Variants in BCAN observed in about 807,000 individuals in gnomAD.
The protein encoded by BCAN is brevican core protein.
In BCAN, 51 loss-of-function variants were observed where a neutral mutation model predicts 92.4. The ratio of observed to expected loss-of-function variants is 0.55; its 90% confidence interval spans 0.44 to 0.70. The LOEUF is 0.70. Among genes scored for constraint, BCAN ranks in the 30% least tolerant of loss-of-function variants. The probability of loss-of-function intolerance (pLI) is 0.00; values close to 1 mark genes in which losing one functional copy is unlikely to be tolerated. For synonymous variants in BCAN, 501 were observed against 505.2 expected (o/e 0.99, Z 0.11); for missense variants, 1,140 against 1,212.1 (o/e 0.94, Z 0.88).
chr1:156,651,958 G>A (rs191804773), intron 7 of BCAN, among the ~76,000 whole-genome samples: 19 of 152,280 alleles, frequency 1.2e-4, no homozygotes, highest in Non-Finnish European at 1.9e-4. Context: ...TCCCTCTTCC[G>A]CCTCACACAC....
At chr1:156,651,220 T>C (rs1051978693) in intron 6 of BCAN, among the ~76,000 whole-genome samples, 1 of 152,262 alleles carries the variant, frequency 6.6e-6, no homozygotes, top group African/African-American at 2.4e-5. Flanking sequence ...GGAGGTTTGC[T>C]ATTTTGTTCT....
rs1464535008 is a variant in BCAN at position 156,647,490 on chromosome 1, G to T, written c.467-18G>T. On this transcript the variant is annotated intron_variant, in intron 3 of 13. Transcript: ENST00000329117. This position sits in a 1 kb window ranked among gnomAD's most constrained non-coding sequence, Gnocchi z 4.8. ...TGCTGGGTGCTCACCTGGCTCAGGG[G>T]TCCTCTCTGCCCCACAGGGGTCGTC... 4 of 1,537,128 alleles carry T rather than the reference G, an allele frequency of 2.6e-6. No individual in the cohort carries two copies. The highest frequency in any genetic ancestry group is 2.6e-6 in the Non-Finnish European group (3 of 1,143,708).
chr1:156,651,365 G>A lies in BCAN; in HGVS notation c.1064-91G>A, dbSNP rs544143839. The A allele has an allele frequency of 2.5e-6, 3 of 1,188,700 alleles. No individual in the cohort carries two copies. The South Asian group carries it at 4.2e-5, about 17-fold the overall frequency. The allele number at this position is 1,188,700 out of a possible 1,614,324, so 73.6% of individuals were successfully genotyped here. A position where few individuals can be genotyped will look rare whatever the true frequency, so the allele number is the denominator to read the frequency against. On this transcript the variant is annotated intron_variant, in intron 6 of 13. Transcript: ENST00000329117. ...TAGGTGCTCCACAGGGAAGATGTGAGAGAATTGAGAGAATTCCATGGTGCA... is the reference window on the plus strand; with the variant it reads ...TAGGTGCTCCACAGGGAAGATGTGAAAGAATTGAGAGAATTCCATGGTGCA...
At position 156,647,723 on chromosome 1, in the gene BCAN, A is replaced by G; in HGVS notation, c.641+41A>G. On this transcript the variant is annotated intron_variant, in intron 4 of 13. Transcript: ENST00000329117. The surrounding 1 kb of genome is among the most constrained non-coding windows in gnomAD (Gnocchi z 4.8). ...GGATTGGGGCTTCTATTGGCCCCTGAGGTGGCCATGGCCCCCCTTCTGCTG... is the reference window on the plus strand; with the variant it reads ...GGATTGGGGCTTCTATTGGCCCCTGGGGTGGCCATGGCCCCCCTTCTGCTG... 6.4e-7 allele frequency: 1 copy of G among 1,558,446 alleles called. No individual in the cohort carries two copies. Among genetic ancestry groups the G allele is most frequent in the African/African-American group, 1.4e-5 (1 of 73,590 alleles).
chr1:156,647,107 GTA>G lies in BCAN; in HGVS notation c.400_401del (p.Ile134LeufsTer4). The G allele has an allele frequency of 6.4e-7, 1 of 1,562,764 alleles. No individual in the cohort carries two copies. Among genetic ancestry groups the G allele is most frequent in the Non-Finnish European group, 8.7e-7 (1 of 1,145,166 alleles). ...AGCGAGCTGCGCCCCAACGACTCAG[GTA>G]TCTATCGCTGTGAGGTCCAGCACGG... On this transcript the variant is annotated frameshift_variant, in exon 3 of 14. Transcript: ENST00000329117. LOFTEE classifies it high-confidence loss of function. The surrounding 1 kb of genome is among the most constrained non-coding windows in gnomAD (Gnocchi z 4.8).
intron 10 of BCAN, 86 bp from the exon 11 acceptor site, chr1:156,657,589 A>C: frequency 9.0e-7 from 1 of 1,114,310 alleles, no homozygotes; most frequent in Non-Finnish European, 1.3e-6. Context: ...AAGGGTTTCC[A>C]AGGCAGTCAC....
In BCAN at chr1:156,651,533, G is replaced by A. The variant is rs759611993; in HGVS notation, c.1141G>A (p.Val381Ile). The A allele has an allele frequency of 6.8e-6, 11 of 1,614,014 alleles. No homozygotes were observed. The highest frequency in any genetic ancestry group is 3.3e-5 in the South Asian group (3 of 91,080). The change falls in exon 7 of 14, where the codon GTC becomes ATC. Residue 381 changes from valine to isoleucine, a missense_variant. Physicochemically the swap from Val to Ile is conservative, Grantham distance 29 (BLOSUM62 3). This residue lies in a region of BCAN where 825 missense variants were observed against 871.8 expected (regional missense o/e 0.95). Transcript: ENST00000329117. ...AGCCTCTGATGGACTAGAGGCTATC[G>A]TCACAGTGACAGAGACCCTGGAGGA... ...NPASDGLEAI[V>I]TVTETLEELQ...
Position 156,658,093 on chromosome 1 carries a change from T to C in BCAN, c.2293-34T>C. 4 of 1,605,944 alleles carry C rather than the reference T, an allele frequency of 2.5e-6. No homozygotes were observed. The highest frequency in any genetic ancestry group is 3.4e-6 in the Non-Finnish European group (4 of 1,175,216). ...AGGCCCTCTCCCGGTGCTCCTGGTG[T>C]AGGAGCTCCTCACCACCTCCTCCGT... On this transcript the variant is annotated intron_variant, in intron 11 of 13. Transcript: ENST00000329117. The surrounding 1 kb of genome is among the most constrained non-coding windows in gnomAD (Gnocchi z 4.4).
In BCAN at chr1:156,656,368, G is replaced by C; in HGVS notation, c.2029G>C (p.Gly677Arg). The part of the protein sequence containing the change: ...GVRCLCLPGY[G>R]GDLCDVGLRF... The stretch of plus-strand genomic sequence containing the variant: ...CCGCTGCCTATGTCTGCCTGGCTAT[G>C]GGGGGGACCTGTGCGATGTTGGTGA... The change falls in exon 9 of 14, where the codon GGG becomes CGG. Residue 677 changes from glycine (G) to arginine (R), a missense_variant. Gly to Arg is a moderately radical substitution (Grantham distance 125). Around this residue, in one of 3 missense-constraint regions of BCAN, gnomAD observed 825 missense variants for 871.8 expected, o/e 0.95. Coordinates refer to ENST00000329117, the MANE Select transcript of BCAN (RefSeq NM_021948.5). 7.2e-7 allele frequency: 1 copy of C among 1,382,582 alleles called. No homozygotes were observed. The highest frequency in any genetic ancestry group is 9.4e-7 in the Non-Finnish European group (1 of 1,065,426). 85.6% of individuals were successfully genotyped at this position (1,382,582 alleles called of 1,614,324 possible).
chr1:156,651,393 C>T, intron 6 of BCAN, 63 bp from the exon 7 acceptor site: 2 of 1,406,842 alleles, frequency 1.4e-6, no homozygotes, highest in Non-Finnish European at 9.9e-7. Context: ...ATGGTGCAAG[C>T]TGTGACCTGG....
At position 156,658,339 on chromosome 1, in the gene BCAN, AT is replaced by A. The variant is rs1679410025; in HGVS notation, c.2437+69del. ...GTGGGCTAGGGGACCAGAGGGACTG[AT>A]GTTTGTAGACAGAGAGTGCAAAGCA... On this transcript the variant is annotated intron_variant, in intron 12 of 13. Coordinates refer to ENST00000329117, the MANE Select transcript of BCAN (RefSeq NM_021948.5). The surrounding 1 kb of genome is among the most constrained non-coding windows in gnomAD (Gnocchi z 4.4). The A allele has an allele frequency of 3.4e-5, 53 of 1,577,400 alleles. 1 individual carries two copies. The South Asian group carries it at 6.1e-4, about 18-fold the overall frequency.
At chr1:156,649,673 G>T in intron 6 of BCAN, among the ~76,000 whole-genome samples, 1 of 152,236 alleles carries the variant, frequency 6.6e-6, no homozygotes, top group East Asian at 1.9e-4. Context: ...GAAGTGCTGG[G>T]ATTTATAGGT....
intron 5 of BCAN, 136 bp downstream of exon 5, chr1:156,648,246 G>A (rs1479124471): frequency 7.9e-7 from 1 of 1,262,034 alleles, no homozygotes; most frequent in Non-Finnish European, 1.1e-6. Context: ...GACAATTGGT[G>A]TCCCTCTCTC....
intron 1 of BCAN, chr1:156,644,857 A>G (rs143697132): frequency 6.6e-6 from 1 of 152,318 alleles, no homozygotes; most frequent in African/African-American, 2.4e-5. Flanking sequence ...CTAACCTTCA[A>G]TTCTCTTGCT....
At chr1:156,651,352 A>C in intron 6 of BCAN, 104 bp from the exon 7 acceptor site, 1 of 1,083,894 alleles carries the variant, frequency 9.2e-7, no homozygotes, top group East Asian at 2.4e-5. Flanking sequence ...GGTGCTCCAC[A>C]GGGAAGATGT....
Position 156,651,665 on chromosome 1 carries a change from G to A in BCAN, c.1273G>A (p.Ala425Thr), listed in dbSNP as rs763222307. ...GGGSSTPEDP[A>T]EAPRTLLEFE... is the part of the protein sequence containing the mutation. ...TGGAAGCTCCACTCCAGAAGACCCA[G>A]CAGAGGCCCCTAGGACGCTCCTAGG... Residue 425 changes from alanine (A) to threonine (T), a missense_variant, in exon 7 of 14, where the codon GCA (alanine) becomes ACA (threonine). By Grantham distance (58) the Ala-to-Thr change is moderately conservative. Coordinates refer to ENST00000329117, the MANE Select transcript of BCAN (RefSeq NM_021948.5). The A allele has an allele frequency of 1.2e-6, 2 of 1,613,152 alleles. No individual in the cohort carries two copies. Among genetic ancestry groups the A allele is most frequent in the South Asian group, 2.2e-5 (2 of 91,042 alleles).
chr1:156,643,143 A>C (rs1197289975), intron 1 of BCAN: 1 of 152,224 alleles, frequency 6.6e-6, no homozygotes, highest in Non-Finnish European at 1.5e-5. Context: ...CTTAGATTGC[A>C]GATGATGACA....
intron 8 of BCAN, among the ~76,000 whole-genome samples, chr1:156,653,815 G>T (rs1339807987): frequency 2.6e-5 from 4 of 152,092 alleles, no homozygotes; most frequent in African/African-American, 9.7e-5. Flanking sequence ...CTCCTGATGA[G>T]GAGAAACCCC....
chr1:156,649,229 C>A (rs1571442454), intron 6 of BCAN, among the ~76,000 whole-genome samples: 1 of 152,192 alleles, frequency 6.6e-6, no homozygotes, highest in Non-Finnish European at 1.5e-5. Context: ...CCAAGTTCTT[C>A]CAGTCAACAA....
Sources: allele counts gnomAD v4.1 joint callset (sites outside exome capture counted in the v4.1 genomes callset), GRCh38; gene constraint gnomAD v4.1.1; regional missense constraint gnomAD v4.1.1; non-coding constraint Gnocchi (gnomAD v3.1); transcripts MANE v1.5; gene names NCBI Gene and HGNC (gene_info 2026-07-23, HGNC 2026-07-21).